The following MATR3 variants were observed in gnomAD, a reference collection of about 807,000 sequenced individuals.
MATR3 encodes matrin-3.
A neutral mutation model predicts 85.5 loss-of-function variants in MATR3; 4 were observed. That is an observed-to-expected ratio of 0.05 (90% CI 0.02 to 0.11). The LOEUF (loss-of-function observed/expected upper bound fraction) is 0.11. Among genes scored for constraint, MATR3 ranks in the 10% least tolerant of loss-of-function variants. The pLI, the probability that MATR3 is intolerant of heterozygous loss-of-function variation, is 1.00. For missense variants in MATR3, 685 were observed against 1,016.1 expected (o/e 0.67, Z 4.43); for synonymous variants, 336 against 343.1 (o/e 0.98, Z 0.23).
intron 1 of MATR3, chr5:139,300,020 T>C (rs1019310895): frequency 6.6e-6 from 1 of 152,164 alleles, no homozygotes; most frequent in Non-Finnish European, 1.5e-5. Flanking sequence ...GTTTAATTTT[T>C]CCACTTTTAC....
In MATR3 at chr5:139,319,450, T is replaced by C; in HGVS notation, c.1551T>C (p.Ala517=). The part of the protein sequence containing the change: ...GYSDSAVLKL[A]EPYGKIKNYI... ...CTGATAGTGCTGTTCTCAAGCTTGC[T>C]GAGCCTTATGGGAAAATAAAGAATT... The change falls in exon 9 of 15, where the codon GCT becomes GCC. Residue 517 remains alanine (A), a synonymous_variant. Transcript: ENST00000394805. 1 of 1,614,062 alleles carries C rather than the reference T, an allele frequency of 6.2e-7. No homozygotes were observed. The highest frequency in any genetic ancestry group is 8.5e-7 in the Non-Finnish European group (1 of 1,179,992).
chr5:139,320,239 G>A (rs1486735369), intron 9 of MATR3, among the ~76,000 whole-genome samples: 1 of 151,900 alleles, frequency 6.6e-6, no homozygotes, highest in Non-Finnish European at 1.5e-5. Context: ...AACCCGGGAG[G>A]CGGAGCTTGC....
intron 7 of MATR3, 125 bp from the exon 8 acceptor site, chr5:139,318,783 A>G (rs1244922082): frequency 1.1e-6 from 1 of 889,998 alleles, no homozygotes; most frequent in Non-Finnish European, 1.8e-6. Flanking sequence ...AGTATTTTCT[A>G]CTTAATGATT....
intron 14 of MATR3, among the ~76,000 whole-genome samples, chr5:139,327,421 T>C (rs1581264760): frequency 6.6e-6 from 1 of 152,020 alleles, no homozygotes; most frequent in Non-Finnish European, 1.5e-5. Context: ...TAGTACAAAT[T>C]ATTTTATTTT....
chr5:139,296,529 G>A (rs1229976241), intron 1 of MATR3, among the ~76,000 whole-genome samples: 2 of 152,182 alleles, frequency 1.3e-5, no homozygotes, highest in Non-Finnish European at 2.9e-5. Context: ...TGTAAATACT[G>A]TAACTGCTTA....
intron 1 of MATR3, among the ~76,000 whole-genome samples, chr5:139,303,264 G>C (rs1754545020): frequency 6.6e-6 from 1 of 152,068 alleles, no homozygotes; most frequent in South Asian, 2.1e-4. Flanking sequence ...ACCATGCCCA[G>C]CTAATTTTTA....
At chr5:139,286,325 CA>C (rs1237951271) in intron 3 of MATR3, among the ~76,000 whole-genome samples, 3 of 151,842 alleles carry the variant, frequency 2.0e-5, no homozygotes, top group Non-Finnish European at 2.9e-5. Flanking sequence ...AGATCATAGG[CA>C]ATCTTCTTTT....
chr5:139,304,074 A>G (rs1480355058), intron 1 of MATR3, among the ~76,000 whole-genome samples: 1 of 152,200 alleles, frequency 6.6e-6, no homozygotes, highest in Admixed American at 6.5e-5. Flanking sequence ...ATACATAGGG[A>G]TGATACTCAG....
In MATR3 at chr5:139,320,743, C is replaced by CTT. The variant is rs1175972721; in HGVS notation, c.1603-1134_1603-1133dup. 2.3e-3 allele frequency among the ~76,000 whole-genome samples: 233 copies of CTT among 102,412 alleles called. 1 individual carries two copies. The highest frequency in any genetic ancestry group is 3.3e-3 in the Non-Finnish European group (184 of 56,040). The allele number at this position is 102,412 out of a possible 152,430, so 67.2% of individuals were successfully genotyped here. A position where few individuals can be genotyped will look rare whatever the true frequency, so the allele number is the denominator to read the frequency against. ...CTATTTTAATATCTTAAGCTTATTA[C>CTT]TTTTTTTTTTTTTTTTTTTTTTGAG... On this transcript the variant is annotated intron_variant, in intron 9 of 14. Coordinates refer to ENST00000394805, the MANE Select transcript of MATR3 (RefSeq NM_018834.6).
At chr5:139,290,357 C>G (rs1483256443), upstream of MATR3, among the ~76,000 whole-genome samples, 1 of 148,064 alleles carries the variant, frequency 6.8e-6, no homozygotes, top group Non-Finnish European at 1.5e-5. Flanking sequence ...GTTGGCCAGG[C>G]TGGTCTCGAA....
At chr5:139,298,523 C>T (rs1015254527) in intron 1 of MATR3, among the ~76,000 whole-genome samples, 2 of 152,108 alleles carry the variant, frequency 1.3e-5, no homozygotes, top group African/African-American at 2.4e-5. Context: ...GAGGCGAGAT[C>T]GTGCCACTGC....
intron 5 of MATR3, 150 bp from the exon 6 acceptor site, chr5:139,316,903 C>A: frequency 1.4e-6 from 1 of 699,230 alleles, no homozygotes; most frequent in Non-Finnish European, 2.6e-6. Context: ...TCAAATATTA[C>A]ACAGAAAAAA....
At chr5:139,313,430 C>T (rs958370656) in intron 2 of MATR3, 6 of 150,644 alleles carry the variant, frequency 4.0e-5, no homozygotes, top group South Asian at 4.2e-4. Flanking sequence ...CCCTATGAGA[C>T]TCTTGTCCCA....
intron 1 of MATR3, chr5:139,294,207 C>T (rs1212443967): frequency 2.0e-6 from 1 of 497,684 alleles, no homozygotes; most frequent in Non-Finnish European, 3.2e-6. Flanking sequence ...GAGGGAGGAG[C>T]TCGCTCGAGG....
chr5:139,308,085 T>G lies in MATR3; in HGVS notation c.670T>G (p.Leu224Val). 1 of 1,614,058 alleles carries G rather than the reference T, an allele frequency of 6.2e-7. No homozygotes were observed. Among genetic ancestry groups the G allele is most frequent in the Non-Finnish European group, 8.5e-7 (1 of 1,180,024 alleles). The change falls in exon 2 of 15, where the codon TTA becomes GTA. Residue 224 changes from leucine to valine, a missense_variant. Physicochemically the swap from Leu to Val is conservative, Grantham distance 32. Transcript: ENST00000394805. ...YDRMDYEDDR[L>V]RDGERCRDDS... ...CAGAATGGATTATGAAGATGACAGA[T>G]TAAGAGATGGAGAAAGGTGTAGGGA...
At chr5:139,281,700 G>A (rs1753534594) in intron 3 of MATR3, among the ~76,000 whole-genome samples, 1 of 152,086 alleles carries the variant, frequency 6.6e-6, no homozygotes, top group Non-Finnish European at 1.5e-5. Context: ...ATGAAAACTT[G>A]AATGAGACTG....
chr5:139,275,260 GT>G (rs1273212934), intron 1 of MATR3, among the ~76,000 whole-genome samples: 3 of 143,540 alleles, frequency 2.1e-5, no homozygotes, highest in African/African-American at 7.7e-5. Context: ...GCCTCCCAAA[GT>G]GCTGGGATTA....
rs775340798 is a variant in MATR3, at chr5:139,307,433, G to A, written c.18G>A (p.Gln6=). The A allele has an allele frequency of 4.3e-6, 7 of 1,613,788 alleles. No individual in the cohort carries two copies. Among genetic ancestry groups the A allele is most frequent in the Non-Finnish European group, 5.1e-6 (6 of 1,179,924 alleles). MSKSF[Q]QSSLSRDSQG... ...GTTCTACAATGTCCAAGTCATTCCA[G>A]CAGTCATCTCTCAGTAGGGACTCAC... The change falls in exon 2 of 15, where the codon CAG becomes CAA. Residue 6 remains glutamine, a synonymous_variant. Coordinates refer to ENST00000394805, the MANE Select transcript of MATR3 (RefSeq NM_018834.6). This position sits in a 1 kb window ranked among gnomAD's most constrained non-coding sequence, Gnocchi z 4.4.
At chr5:139,305,194 T>C (rs897938540) in intron 1 of MATR3, among the ~76,000 whole-genome samples, 1 of 152,204 alleles carries the variant, frequency 6.6e-6, no homozygotes, top group Non-Finnish European at 1.5e-5. Context: ...TTTCTGAGTT[T>C]TTCTGACATT....
Sources: allele counts gnomAD v4.1 joint callset (sites outside exome capture counted in the v4.1 genomes callset), GRCh38; gene constraint gnomAD v4.1.1; non-coding constraint Gnocchi (gnomAD v3.1); transcripts MANE v1.5; gene names NCBI Gene and HGNC (gene_info 2026-07-23, HGNC 2026-07-21).